ZDBF2: variants seen among roughly 807,000 people sequenced by gnomAD.
The protein encoded by ZDBF2 is DBF4-type zinc finger-containing protein 2.
Under a neutral mutation model 9.4 loss-of-function variants are expected in ZDBF2, and 6 were observed. That is an observed-to-expected ratio of 0.64 (90% confidence interval 0.35 to 1.27). The LOEUF is 1.27. ZDBF2 is among the 50% of genes most tolerant of loss of function. The pLI is 0.03. For synonymous variants in ZDBF2, 905 were observed against 946.3 expected (o/e 0.96, Z 0.80); for missense variants, 2,697 against 2,766.8 (o/e 0.97, Z 0.57).
At chr2:206,298,200 T>A (rs1014753745) in intron 4 of ZDBF2, among the ~76,000 whole-genome samples, 3 of 152,226 alleles carry the variant, frequency 2.0e-5, no homozygotes, top group African/African-American at 7.2e-5. Flanking sequence ...ATTATTTTGA[T>A]AACATTTAAG....
At chr2:206,295,194 G>T (rs150764638) in intron 3 of ZDBF2, among the ~76,000 whole-genome samples, 1 of 152,218 alleles carries the variant, frequency 6.6e-6, no homozygotes, top group East Asian at 1.9e-4. Flanking sequence ...AAATTAAAAT[G>T]CACTATTAAA....
At position 206,299,843 on chromosome 2, in the gene ZDBF2, C is replaced by T. The variant is rs568178202; in HGVS notation, c.188+2470C>T. On this transcript the variant is annotated intron_variant, in intron 4 of 4. Coordinates refer to ENST00000374423, the MANE Select transcript of ZDBF2 (RefSeq NM_020923.3). ...AAGCCCCAAGCTGGACGCAGTGGCT[C>T]ACGCCTGTAATCCTACCACTTTGGG... Among the ~76,000 whole-genome samples the T allele has an allele frequency of 9.2e-5, 14 of 151,800 alleles. No individual in the cohort carries two copies. In the South Asian group the frequency reaches 2.7e-3, roughly 29 times the overall value.
At chr2:206,282,349 C>T (rs914662696) in intron 3 of ZDBF2, among the ~76,000 whole-genome samples, 2 of 152,072 alleles carry the variant, frequency 1.3e-5, no homozygotes, top group Admixed American at 6.6e-5. Flanking sequence ...GGCACACTAA[C>T]GAAGAGCCAG....
In ZDBF2 at chr2:206,306,497, A is replaced by G. The variant is rs1378759786; in HGVS notation, c.1969A>G (p.Met657Val). 1 of 1,613,806 alleles carries G rather than the reference A, an allele frequency of 6.2e-7. No homozygotes were observed. The highest frequency in any genetic ancestry group is 1.6e-4 in the Middle Eastern group (1 of 6,062). Reference protein sequence around the residue: ...NLLKEKNADLMDMNCESHGPE... With the variant: ...NLLKEKNADLVDMNCESHGPE... The stretch of plus-strand genomic sequence containing the variant: ...TCTGAAGGAGAAGAATGCTGACCTT[A>G]TGGATATGAACTGTGAATCCCATGG... Residue 657 changes from methionine (M) to valine (V), a missense_variant, in exon 5 of 5, where the codon ATG (methionine) becomes GTG (valine). By Grantham distance (21) the Met-to-Val change is conservative. Transcript: ENST00000374423.
intron 4 of ZDBF2, among the ~76,000 whole-genome samples, chr2:206,300,334 T>C (rs770311422): frequency 2.6e-5 from 4 of 152,232 alleles, no homozygotes; most frequent in Non-Finnish European, 5.9e-5. Context: ...TGTCAGCATC[T>C]CCTTAGTTTT....
At chr2:206,277,436 G>T (rs189990932) in intron 1 of ZDBF2, among the ~76,000 whole-genome samples, 296 of 142,602 alleles carry the variant, frequency 2.1e-3, no homozygotes, top group Admixed American at 3.2e-3. Flanking sequence ...AATTTTAAAT[G>T]TTACATAAAT....
chr2:206,310,244 A>G lies in ZDBF2; in HGVS notation c.5716A>G (p.Ile1906Val). 1.2e-6 allele frequency: 2 copies of G among 1,613,992 alleles called. No homozygotes were observed. Among genetic ancestry groups the G allele is most frequent in the African/African-American group, 1.3e-5 (1 of 75,040 alleles). ...TGATATTGTCTGTGGTATTTCAGATATTGATGACTTGTCAGTGGCCTTAGA... is the reference window on the plus strand; with the variant it reads ...TGATATTGTCTGTGGTATTTCAGATGTTGATGACTTGTCAGTGGCCTTAGA... Reference protein sequence around the residue: ...SDDIVCGISDIDDLSVALDKP... With the variant: ...SDDIVCGISDVDDLSVALDKP... The change falls in exon 5 of 5, where the codon ATT becomes GTT. Residue 1906 changes from isoleucine to valine, a missense_variant. Physicochemically the swap from Ile to Val is conservative, Grantham distance 29 (BLOSUM62 3). Coordinates refer to ENST00000374423, the MANE Select transcript of ZDBF2 (RefSeq NM_020923.3).
chr2:206,286,344 G>A (rs951579582), intron 3 of ZDBF2, among the ~76,000 whole-genome samples: 1 of 151,974 alleles, frequency 6.6e-6, no homozygotes, highest in Non-Finnish European at 1.5e-5. Context: ...TATTTATCTA[G>A]GTGCTCTGGT....
chr2:206,277,969 A>G (rs1691113602), intron 1 of ZDBF2, among the ~76,000 whole-genome samples: 1 of 152,162 alleles, frequency 6.6e-6, no homozygotes, highest in African/African-American at 2.4e-5. Flanking sequence ...ATCATTAAAC[A>G]TTCTATTTTA....
In ZDBF2 at chr2:206,312,919, A is replaced by G. The variant is rs1559166414; in HGVS notation, c.*1326A>G. 1.3e-5 allele frequency: 2 copies of G among 152,380 alleles called. No individual in the cohort carries two copies. Among genetic ancestry groups the G allele is most frequent in the African/African-American group, 4.8e-5 (2 of 41,592 alleles). The allele number at this position is 152,380 out of a possible 1,614,324, so 9.4% of individuals were successfully genotyped here. ...ATTTGTTAACAGATTTTAACAGTTC[A>G]AATGAAAGATGTTAACGAGATGCAG... On this transcript the variant is annotated 3_prime_UTR_variant, in exon 5 of 5. Coordinates refer to ENST00000374423, the MANE Select transcript of ZDBF2 (RefSeq NM_020923.3).
intron 1 of ZDBF2, among the ~76,000 whole-genome samples, chr2:206,277,259 A>G (rs1243042955): frequency 4.6e-5 from 7 of 151,776 alleles, no homozygotes; most frequent in East Asian, 3.9e-4. Context: ...ATTTTTATCC[A>G]TGTTTACCTC....
chr2:206,309,631 G>A lies in ZDBF2; in HGVS notation c.5103G>A (p.Lys1701=). ...CAAGAAATGCTGGCCTAAAAGGTAA[G>A]AGCTGTCAGTCTAGTGCTTCTGCAG... ...KDPRNAGLKG[K]SCQSSASAVD... Residue 1701 remains lysine, a synonymous_variant, in exon 5 of 5, where the codon AAG becomes AAA. Transcript: ENST00000374423. 3.1e-6 allele frequency: 5 copies of A among 1,613,918 alleles called. No homozygotes were observed. Among genetic ancestry groups the A allele is most frequent in the Non-Finnish European group, 4.2e-6 (5 of 1,179,886 alleles).
Position 206,309,542 on chromosome 2 carries a change from A to G in ZDBF2, c.5014A>G (p.Thr1672Ala). Residue 1672 changes from threonine to alanine, a missense_variant, in exon 5 of 5, where the codon ACT (threonine) becomes GCT (alanine). By Grantham distance (58) the Thr-to-Ala change is moderately conservative (BLOSUM62 0). Transcript: ENST00000374423. ...GSKGKFNLEDTSHRTTHRLQK... is the reference protein window; with the variant it reads ...GSKGKFNLEDASHRTTHRLQK... ...TAAAGGAAAATTTAATTTGGAAGAC[A>G]CTTCTCATCGAACGACTCACCGACT... 2 of 1,614,016 alleles carry G rather than the reference A, an allele frequency of 1.2e-6. No homozygotes were observed. The highest frequency in any genetic ancestry group is 1.7e-6 in the Non-Finnish European group (2 of 1,179,898).
intron 3 of ZDBF2, chr2:206,292,012 A>G: frequency 2.5e-6 from 1 of 398,356 alleles, no homozygotes. Context: ...TGTCACCAGC[A>G]GACTCTCACT....
rs1224268645 is a variant in ZDBF2 at position 206,306,286 on chromosome 2, T to A, written c.1758T>A (p.Asp586Glu). 6.2e-7 allele frequency: 1 copy of A among 1,613,714 alleles called. No individual in the cohort carries two copies. ...SSCSETSFDC[D>E]VSLESVVDHP... ...GTTCTGAAACAAGTTTTGATTGTGA[T>A]GTTTCTCTTGAGTCAGTAGTTGATC... Residue 586 changes from aspartate (D) to glutamate (E), a missense_variant, in exon 5 of 5, where the codon GAT (aspartate) becomes GAA (glutamate). By Grantham distance (45) the Asp-to-Glu change is conservative. Around this residue, in one of 3 missense-constraint regions of ZDBF2, gnomAD observed 910 missense variants for 973.6 expected, o/e 0.93. Transcript: ENST00000374423.
In ZDBF2 at chr2:206,307,756, T is replaced by G. The variant is rs375904600; in HGVS notation, c.3228T>G (p.Gly1076=). Residue 1076 remains glycine, a synonymous_variant, in exon 5 of 5, where the codon GGT becomes GGG. Coordinates refer to ENST00000374423, the MANE Select transcript of ZDBF2 (RefSeq NM_020923.3). ...VNLKDKNSKS[G]DSKITFDSEQ... ...TGAAGGACAAAAACAGTAAATCAGG[T>G]GATTCTAAAATAACTTTTGATTCTG... The G allele has an allele frequency of 8.1e-6, 13 of 1,612,242 alleles. No individual in the cohort carries two copies. The highest frequency in any genetic ancestry group is 1.3e-5 in the African/African-American group (1 of 74,806).
Position 206,282,634 on chromosome 2 carries a change from C to T in ZDBF2, c.60+725C>T, listed in dbSNP as rs780286477. On this transcript the variant is annotated intron_variant, in intron 3 of 4. Transcript: ENST00000374423. ...CAAAGTTTGAGCATAGGAGTTAAAT[C>T]GTCTACTTTGTGTTTTAAAAGGTTC... Among the ~76,000 whole-genome samples the T allele has an allele frequency of 1.2e-3, 186 of 152,198 alleles. 1 individual carries two copies. In the Middle Eastern group the frequency reaches 0.017, roughly 14 times the overall value.
rs764709147 is a variant in ZDBF2 at position 206,305,222 on chromosome 2, G to C, written c.694G>C (p.Asp232His). The change falls in exon 5 of 5, where the codon GAT becomes CAT. Residue 232 changes from aspartate to histidine, a missense_variant. Transcript: ENST00000374423. ...NKVEKYLEQP[D>H]GASRNPVPSS... is the part of the protein sequence containing the mutation. Reference sequence around the variant, plus strand: ...AGTTGAGAAATATCTTGAACAGCCAGATGGGGCCTCTAGAAATCCTGTGCC... The same window carrying C: ...AGTTGAGAAATATCTTGAACAGCCACATGGGGCCTCTAGAAATCCTGTGCC... 6.2e-7 allele frequency: 1 copy of C among 1,613,840 alleles called. No individual in the cohort carries two copies. The highest frequency in any genetic ancestry group is 1.1e-5 in the South Asian group (1 of 91,078).
At chr2:206,279,932 G>A (rs1013342280) in intron 2 of ZDBF2, among the ~76,000 whole-genome samples, 2 of 152,164 alleles carry the variant, frequency 1.3e-5, no homozygotes, top group African/African-American at 4.8e-5. Context: ...AGCCTCCCGA[G>A]TAGCTGGGAC....
Sources: gnomAD v4.1 joint callset for allele counts (sites outside exome capture counted in the v4.1 genomes callset) on GRCh38, gnomAD v4.1.1 for gene constraint, gnomAD v4.1.1 regional missense constraint, MANE v1.5 for transcripts, NCBI Gene and HGNC (gene_info 2026-07-23, HGNC 2026-07-21) for gene names.